The following FRMD6 variants were observed in gnomAD, a reference collection of about 807,000 sequenced individuals.
FRMD6 encodes the protein FERM domain-containing protein 6.
In FRMD6, 37 loss-of-function variants were observed where a neutral mutation model predicts 73.2. The ratio of observed to expected loss-of-function variants is 0.51; its 90% CI spans 0.39 to 0.66. The LOEUF is 0.66. FRMD6 is among the 30% of genes least tolerant of loss of function. FRMD6 has a pLI of 0.00. For synonymous variants in FRMD6, 273 were observed against 282.2 expected, an observed-to-expected ratio of 0.97 and a Z score of 0.33; for missense variants, 714 against 780.5, an observed-to-expected ratio of 0.91 and a Z score of 1.02.
intron 2 of FRMD6, among the ~76,000 whole-genome samples, chr14:51,612,692 C>T (rs1345683947): frequency 6.6e-6 from 1 of 152,150 alleles, no homozygotes; most frequent in Non-Finnish European, 1.5e-5. Flanking sequence ...GACTAGAAGA[C>T]CTCTAAGGCA....
rs1407230101 is a variant in FRMD6 at position 51,513,173 on chromosome 14, G to A, written c.-210+23753G>A. Reference sequence around the variant, plus strand: ...GAGCGGCCTTCTGAACCTGGGCCTAGGACTCTGCATTCCACAAGCTCCCAG... The same window carrying A: ...GAGCGGCCTTCTGAACCTGGGCCTAAGACTCTGCATTCCACAAGCTCCCAG... On this transcript the variant is annotated intron_variant, in intron 1 of 14. Transcript: ENST00000356218. Among the ~76,000 whole-genome samples the A allele has an allele frequency of 2.6e-5, 4 of 152,134 alleles. 1 individual carries two copies. The highest frequency in any genetic ancestry group is 9.7e-5 in the African/African-American group (4 of 41,418).
chr14:51,541,676 G>C (rs1211485410), intron 1 of FRMD6, among the ~76,000 whole-genome samples: 1 of 151,976 alleles, frequency 6.6e-6, no homozygotes, highest in Non-Finnish European at 1.5e-5. Context: ...GGAAGCACTA[G>C]AAACAAAAAT....
At chr14:51,550,598 T>C (rs1886767611) in intron 1 of FRMD6, among the ~76,000 whole-genome samples, 1 of 150,084 alleles carries the variant, frequency 6.7e-6, no homozygotes, top group Admixed American at 6.6e-5. Flanking sequence ...GCCATGCTTA[T>C]AGCTTGAATG....
chr14:51,438,721 C>T, the FRMD6 span, among the ~76,000 whole-genome samples: 9 of 152,196 alleles, frequency 5.9e-5, no homozygotes, highest in Admixed American at 4.6e-4. Flanking sequence ...GTTCTCAGAA[C>T]GTTGTGCCCT....
chr14:51,504,126 A>G (rs1482535427), intron 1 of FRMD6, among the ~76,000 whole-genome samples: 1 of 152,064 alleles, frequency 6.6e-6, no homozygotes, highest in Non-Finnish European at 1.5e-5. Flanking sequence ...TTATTAGTCT[A>G]GCTAGGTTTC....
At chr14:51,643,309 G>A (rs1285888390) in intron 2 of FRMD6, 1 of 152,218 alleles carries the variant, frequency 6.6e-6, no homozygotes, top group East Asian at 1.9e-4. Context: ...TCATAAACAT[G>A]TGAACAGTCA....
At chr14:51,673,847 T>G (rs1894190913) in intron 1 of FRMD6, among the ~76,000 whole-genome samples, 1 of 152,222 alleles carries the variant, frequency 6.6e-6, no homozygotes, top group South Asian at 2.1e-4. Flanking sequence ...GTCCAGAGTT[T>G]GTGGTGCATG....
At chr14:51,570,268 T>C (rs1888059873) in intron 1 of FRMD6, 1 of 152,230 alleles carries the variant, frequency 6.6e-6, no homozygotes, top group South Asian at 2.1e-4. Flanking sequence ...GTGTTTAATC[T>C]GTCTAAAAGT....
At chr14:51,721,479 G>A (rs914321861) in intron 11 of FRMD6, among the ~76,000 whole-genome samples, 6 of 152,140 alleles carry the variant, frequency 3.9e-5, no homozygotes, top group South Asian at 4.2e-4. Flanking sequence ...GCGTAGTGGC[G>A]CGCGTCTTCA....
At chr14:51,446,454 A>ACACACACACACACACACG in the FRMD6 span, among the ~76,000 whole-genome samples, 1 of 151,704 alleles carries the variant, frequency 6.6e-6, no homozygotes, top group East Asian at 1.9e-4. Context: ...AGACACACAC[A>ACACACACACACACACACG]CACACACACA....
At chr14:51,580,644 G>A (rs1474137032) in intron 2 of FRMD6, among the ~76,000 whole-genome samples, 1 of 152,166 alleles carries the variant, frequency 6.6e-6, no homozygotes, top group Non-Finnish European at 1.5e-5. Flanking sequence ...TGGAAGCATC[G>A]TAAAAAAGCA....
rs768187700 is a variant in FRMD6, at chr14:51,727,881, G to A, written c.1721G>A (p.Gly574Asp). ...DTAQSYTFGC[G>D]HELDEEGLYC... ...GCTCAGAGTTACACCTTTGGATGTG[G>A]CCATGAACTGGATGAGGAAGGCCTC... is the stretch of plus-strand genomic sequence containing the variant. The change falls in exon 14 of 14, where the codon GGC (glycine) becomes GAC (aspartate). Residue 574 changes from glycine to aspartate, a missense_variant. Physicochemically the swap from Gly to Asp is moderately conservative, Grantham distance 94 (BLOSUM62 -1). Coordinates refer to ENST00000344768, the MANE Select transcript of FRMD6 (RefSeq NM_001267046.2). The A allele has an allele frequency of 1.2e-6, 2 of 1,614,220 alleles. No individual in the cohort carries two copies. The highest frequency in any genetic ancestry group is 1.1e-5 in the South Asian group (1 of 91,092).
rs759298433 is a variant in FRMD6 at position 51,722,090 on chromosome 14, T to TA, written c.1492+11dup. On this transcript the variant is annotated intron_variant, in intron 12 of 13. Transcript: ENST00000344768. ...CTGAATGGACACTCTGGTGAGCTCT[T>TA]ACGGGAAGTTATTCTTCCTTGGTAG... The TA allele has an allele frequency of 5.0e-6, 8 of 1,613,478 alleles. 1 individual carries two copies. In the South Asian group the frequency reaches 8.8e-5, roughly 18 times the overall value.
chr14:51,584,554 T>C (rs926606313), intron 2 of FRMD6, among the ~76,000 whole-genome samples: 1 of 152,218 alleles, frequency 6.6e-6, no homozygotes. Context: ...GGCTTTATTA[T>C]AATTACTTCT....
chr14:51,413,682 G>C, the FRMD6 span, among the ~76,000 whole-genome samples: 1 of 152,198 alleles, frequency 6.6e-6, no homozygotes, highest in Non-Finnish European at 1.5e-5. Flanking sequence ...CCAGTAATAG[G>C]ATTGCTGGGT....
intron 2 of FRMD6, among the ~76,000 whole-genome samples, chr14:51,615,487 C>A (rs1023249473): frequency 6.6e-6 from 1 of 152,098 alleles, no homozygotes; most frequent in African/African-American, 2.4e-5. Context: ...CCCCAGGTAA[C>A]TTCTCTAGCA....
At chr14:51,537,913 T>C (rs1481114793) in intron 1 of FRMD6, among the ~76,000 whole-genome samples, 1 of 152,216 alleles carries the variant, frequency 6.6e-6, no homozygotes, top group African/African-American at 2.4e-5. Flanking sequence ...CAGTTCTTTA[T>C]CAGATATGTC....
chr14:51,718,903 TC>T (rs1445266181), intron 10 of FRMD6, among the ~76,000 whole-genome samples: 1 of 152,296 alleles, frequency 6.6e-6, no homozygotes, highest in East Asian at 1.9e-4. Flanking sequence ...TGATTATACT[TC>T]CGAGCTGGAT....
At chr14:51,650,113 A>G (rs750291091), upstream of FRMD6, 16 of 152,326 alleles carry the variant, frequency 1.1e-4, no homozygotes, top group East Asian at 1.9e-4. Context: ...ACTTTAAATC[A>G]TAAGTACAGT....
Sources: gnomAD v4.1 joint callset for allele counts (sites outside exome capture counted in the v4.1 genomes callset) on GRCh38, gnomAD v4.1.1 for gene constraint, MANE v1.5 for transcripts, NCBI Gene and HGNC (gene_info 2026-07-23, HGNC 2026-07-21) for gene names.